The following ERI1 variants were observed in gnomAD, a reference collection of about 807,000 sequenced individuals.
ERI1 encodes the protein 3'-5' exoribonuclease 1.
Under a neutral mutation model 39.7 loss-of-function variants are expected in ERI1, and 39 were observed. That is an observed-to-expected ratio of 0.98 (90% CI 0.76 to 1.28). The LOEUF is 1.28. Ranked by LOEUF, ERI1 falls within the 50% of genes most tolerant of loss-of-function variation. The pLI is 0.00. For synonymous variants in ERI1, 204 were observed against 149.6 expected (o/e 1.36, Z -2.65); for missense variants, 581 against 416.9 (o/e 1.39, Z -3.43).
At chr8:9,012,612 G>A (rs1308605844) in intron 3 of ERI1, among the ~76,000 whole-genome samples, 1 of 152,132 alleles carries the variant, frequency 6.6e-6, no homozygotes. Context: ...AGGAAAAATG[G>A]CAGCTATGAA....
At chr8:9,083,122 C>T (rs527352768) in intron 3 of ERI1, among the ~76,000 whole-genome samples, 2 of 152,260 alleles carry the variant, frequency 1.3e-5, no homozygotes, top group Non-Finnish European at 2.9e-5. Context: ...CCTAGAAAAG[C>T]CCAGCCAAAC....
intron 3 of ERI1, among the ~76,000 whole-genome samples, chr8:9,055,968 A>G (rs1020980747): frequency 1.3e-5 from 2 of 152,218 alleles, no homozygotes; most frequent in Admixed American, 1.3e-4. Flanking sequence ...AGAGACAGAA[A>G]GGCAGGGGAA....
intron 3 of ERI1, among the ~76,000 whole-genome samples, chr8:9,064,609 G>C (rs1798809794): frequency 6.6e-6 from 1 of 152,202 alleles, no homozygotes; most frequent in African/African-American, 2.4e-5. Flanking sequence ...GGGATAGTGA[G>C]AGAGGTTGGA....
At chr8:9,049,090 G>A (rs1013481623) in intron 3 of ERI1, among the ~76,000 whole-genome samples, 6 of 151,962 alleles carry the variant, frequency 3.9e-5, no homozygotes, top group Non-Finnish European at 8.8e-5. Flanking sequence ...TGTAATTCCA[G>A]CACTTTGGGA....
rs571863819 is a variant in ERI1 at position 9,002,943 on chromosome 8, C to T, written c.-121C>T. On this transcript the variant is annotated 5_prime_UTR_variant, in exon 1 of 7. Coordinates refer to ENST00000250263, the MANE Select transcript of ERI1 (RefSeq NM_153332.4). ...GTGGCCGCTGGAGTTTGTGTGGCCGCCGCCGCGGGAACGCGAGCCCGGTAA... is the reference window on the plus strand; with the variant it reads ...GTGGCCGCTGGAGTTTGTGTGGCCGTCGCCGCGGGAACGCGAGCCCGGTAA... 2.5e-3 allele frequency: 1,772 copies of T among 716,236 alleles called. 6 individuals are homozygous for T. Among genetic ancestry groups the T allele is most frequent in the Non-Finnish European group, 3.0e-3 (1,553 of 516,240 alleles). The allele number at this position is 716,236 out of a possible 1,614,324, so 44.4% of individuals were successfully genotyped here.
intron 3 of ERI1, among the ~76,000 whole-genome samples, chr8:9,046,867 G>T (rs1798189464): frequency 6.6e-6 from 1 of 152,186 alleles, no homozygotes; most frequent in Non-Finnish European, 1.5e-5. Flanking sequence ...AATCAGTTTT[G>T]TGGCACAGAT....
chr8:9,094,105 C>T (rs73522703), intron 3 of ERI1, among the ~76,000 whole-genome samples: 5,377 of 152,210 alleles, frequency 0.035, 286 homozygotes, highest in African/African-American at 0.12. Context: ...TAGTAATTAT[C>T]AGCAATTTAA....
At chr8:9,067,395 T>TGTGC (rs1554528317) in intron 3 of ERI1, among the ~76,000 whole-genome samples, 1 of 148,720 alleles carries the variant, frequency 6.7e-6, no homozygotes, top group Non-Finnish European at 1.5e-5. Flanking sequence ...TGTGTGTGTG[T>TGTGC]GTGTGTGTGT....
At chr8:9,072,801 A>C (rs1799095890) in intron 3 of ERI1, among the ~76,000 whole-genome samples, 1 of 152,072 alleles carries the variant, frequency 6.6e-6, no homozygotes, top group Non-Finnish European at 1.5e-5. Context: ...AAGCAGCCCC[A>C]GAGAGAGAAG....
At chr8:9,024,407 C>CTCTTTTCTTTTCTTT (rs535713484) in intron 6 of ERI1, among the ~76,000 whole-genome samples, 137 of 151,160 alleles carry the variant, frequency 9.1e-4, no homozygotes, top group African/African-American at 3.2e-3. Flanking sequence ...CTTCTTTTTT[C>CTCTTTTCTTTTCTTT]TCTTTTCTTT....
At chr8:9,086,115 A>G (rs1256738130) in intron 3 of ERI1, among the ~76,000 whole-genome samples, 1 of 152,154 alleles carries the variant, frequency 6.6e-6, no homozygotes, top group Non-Finnish European at 1.5e-5. Flanking sequence ...ATGAATGCTA[A>G]AAAAACAGGG....
intron 3 of ERI1, among the ~76,000 whole-genome samples, chr8:9,013,757 C>T (rs893019288): frequency 2.6e-5 from 4 of 152,150 alleles, no homozygotes; most frequent in Non-Finnish European, 4.4e-5. Flanking sequence ...GCAGCTTTTT[C>T]TAATTAGAAT....
rs150564157 is a variant in ERI1 at position 9,027,013 on chromosome 8, A to G, written c.808-2779A>G. On this transcript the variant is annotated intron_variant, in intron 6 of 6. Transcript: ENST00000250263. ...AGTTGGTGGAGCATGTGCTAATTCT[A>G]TGTTTAATTTTTTTGAGGAATCTCC... 7.6e-3 allele frequency among the ~76,000 whole-genome samples: 1,150 copies of G among 152,182 alleles called. 14 individuals carry two copies. Among genetic ancestry groups the G allele is most frequent in the African/African-American group, 0.026 (1,080 of 41,538 alleles).
At chr8:9,050,170 CA>C (rs10552004) in intron 3 of ERI1, among the ~76,000 whole-genome samples, 30,158 of 148,900 alleles carry the variant, frequency 0.2, 3,526 homozygotes, top group East Asian at 0.46. Flanking sequence ...TCTAAGTGGT[CA>C]AAAAAAAAAA....
At chr8:9,090,498 C>A (rs1376078898) in intron 3 of ERI1, among the ~76,000 whole-genome samples, 1 of 152,030 alleles carries the variant, frequency 6.6e-6, no homozygotes, top group Non-Finnish European at 1.5e-5. Context: ...ATCTACATGA[C>A]CAGGAGTGGA....
rs1410911322 is a variant in ERI1, at chr8:9,092,625, G to T, written n.300-23723G>T. Among the ~76,000 whole-genome samples, 3 of 152,224 alleles carry T rather than the reference G, an allele frequency of 2.0e-5. No individual in the cohort carries two copies. In the East Asian group the frequency reaches 5.8e-4, roughly 29 times the overall value. ...ACCTCTTCGGATGCATGACGGCTGT[G>T]AGCTGAGAGCGCTGAGAGCAGGAAG... On this transcript the variant is annotated intron_variant and non_coding_transcript_variant, in intron 3 of 3. Transcript: ENST00000518663.
In ERI1 at chr8:9,030,197, A is replaced by G. The variant is rs1797489025; in HGVS notation, c.*163A>G. On this transcript the variant is annotated 3_prime_UTR_variant, in exon 7 of 7. Coordinates refer to ENST00000250263, the MANE Select transcript of ERI1 (RefSeq NM_153332.4). ...ATACATGTATGTGAACAGATTTTGT[A>G]GGAAGGCATACTGAATTCTTTGTCA... 5.5e-6 allele frequency: 5 copies of G among 917,174 alleles called. No individual in the cohort carries two copies. The highest frequency in any genetic ancestry group is 5.7e-5 in the Admixed American group (2 of 35,100). The allele number at this position is 917,174 out of a possible 1,614,324, so 56.8% of individuals were successfully genotyped here.
At chr8:9,034,936 T>C (rs143436419), downstream of ERI1, among the ~76,000 whole-genome samples, 650 of 152,336 alleles carry the variant, frequency 4.3e-3, 2 homozygotes, top group South Asian at 6.0e-3. Context: ...ATTACTGATA[T>C]GGAGAAAGTT....
intron 3 of ERI1, among the ~76,000 whole-genome samples, chr8:9,013,981 T>G (rs909501664): frequency 1.3e-5 from 2 of 152,204 alleles, no homozygotes; most frequent in African/African-American, 4.8e-5. Context: ...TCTGTCTGTG[T>G]CCGCCTACAA....
Sources: allele counts gnomAD v4.1 joint callset (sites outside exome capture counted in the v4.1 genomes callset), GRCh38; gene constraint gnomAD v4.1.1; transcripts MANE v1.5; gene names NCBI Gene and HGNC (gene_info 2026-07-23, HGNC 2026-07-21).